Variants in GRID1 observed in about 807,000 individuals in gnomAD.
The protein encoded by GRID1 is glutamate receptor ionotropic, delta-1.
In GRID1, 28 loss-of-function variants were observed where a neutral mutation model predicts 98.0. The observed-to-expected ratio is 0.29, with a 90% CI of 0.21 to 0.39. The LOEUF (loss-of-function observed/expected upper bound fraction) is 0.39. GRID1 is among the 10% of genes least tolerant of loss of function. The probability of loss-of-function intolerance (pLI) is 1.00; values close to 1 mark genes in which losing one functional copy is unlikely to be tolerated. For missense variants in GRID1, 1,111 were observed against 1,340.5 expected (o/e 0.83, Z 2.67); for synonymous variants, 553 against 538.5 (o/e 1.03, Z -0.37).
intron 5 of GRID1, among the ~76,000 whole-genome samples, chr10:85,875,597 C>A (rs1564615556): frequency 1.3e-5 from 2 of 151,932 alleles, no homozygotes; most frequent in African/African-American, 4.8e-5. Flanking sequence ...TGTTTCCTAT[C>A]TTTACTTATT....
intron 2 of GRID1, among the ~76,000 whole-genome samples, chr10:86,314,715 G>A (rs1160735330): frequency 6.6e-6 from 1 of 152,192 alleles, no homozygotes; most frequent in Non-Finnish European, 1.5e-5. Context: ...CTCAGCTCTT[G>A]GGCCAACAGT....
intron 5 of GRID1, among the ~76,000 whole-genome samples, chr10:85,911,588 AC>A (rs2131821715): frequency 6.6e-6 from 1 of 152,296 alleles, no homozygotes; most frequent in East Asian, 1.9e-4. Context: ...ATGTGTGCAT[AC>A]CCACATCATC....
At chr10:86,143,991 C>G (rs1023074853) in intron 3 of GRID1, among the ~76,000 whole-genome samples, 2 of 152,186 alleles carry the variant, frequency 1.3e-5, no homozygotes, top group African/African-American at 2.4e-5. Flanking sequence ...CCCAAGCCTG[C>G]CGGAGTCCTG....
At chr10:85,955,293 T>C (rs1842175039) in intron 4 of GRID1, among the ~76,000 whole-genome samples, 1 of 152,124 alleles carries the variant, frequency 6.6e-6, no homozygotes, top group South Asian at 2.1e-4. Flanking sequence ...GGCGAACCTG[T>C]AGCCATGATT....
At chr10:86,176,487 C>A (rs1284782777) in intron 3 of GRID1, among the ~76,000 whole-genome samples, 1 of 152,222 alleles carries the variant, frequency 6.6e-6, no homozygotes, top group African/African-American at 2.4e-5. Flanking sequence ...CAAGGAGCAG[C>A]CTGTGCATGC....
intron 12 of GRID1, among the ~76,000 whole-genome samples, chr10:85,693,269 T>G (rs1841353785): frequency 6.6e-6 from 1 of 152,168 alleles, no homozygotes; most frequent in African/African-American, 2.4e-5. Context: ...TATTTAGAAT[T>G]ATCCCAGTTT....
chr10:86,184,415 C>T (rs1218950557), intron 3 of GRID1, among the ~76,000 whole-genome samples: 2 of 141,568 alleles, frequency 1.4e-5, no homozygotes, highest in Non-Finnish European at 3.1e-5. Flanking sequence ...AGTATTTTGA[C>T]TTATTTTTAC....
At chr10:85,731,937 A>G (rs1165138291) in intron 8 of GRID1, among the ~76,000 whole-genome samples, 1 of 55,170 alleles carries the variant, frequency 1.8e-5, no homozygotes, top group African/African-American at 1.4e-4. Flanking sequence ...GAGAGAGAGA[A>G]GGGAAGGGAA....
At chr10:86,296,909 G>A (rs1437439083) in intron 2 of GRID1, among the ~76,000 whole-genome samples, 1 of 152,072 alleles carries the variant, frequency 6.6e-6, no homozygotes, top group Admixed American at 6.5e-5. Flanking sequence ...ATTCACAGAA[G>A]CAACAAAGAG....
rs781242905 is a variant in GRID1 at position 86,264,773 on chromosome 10, G to A, written c.236-58125C>T. On this transcript the variant is annotated intron_variant, in intron 2 of 15. Transcript: ENST00000327946. ...GAGGCAGGCATGCGGGCAGACAGAC[G>A]CCCAACACAGAGACCTCCCACACGC... 45 of 492,498 alleles carry A rather than the reference G, an allele frequency of 9.1e-5. No individual in the cohort carries two copies. In the Middle Eastern group the frequency reaches 3.2e-3, roughly 35 times the overall value. 30.5% of individuals were successfully genotyped at this position (492,498 alleles called of 1,614,324 possible).
At chr10:85,743,107 C>T (rs937649496) in intron 8 of GRID1, among the ~76,000 whole-genome samples, 9 of 109,644 alleles carry the variant, frequency 8.2e-5, no homozygotes, top group African/African-American at 1.5e-4. Context: ...ATTATGCAGC[C>T]CCCCCCCCCA....
At chr10:85,732,257 A>G (rs1177533377) in intron 8 of GRID1, among the ~76,000 whole-genome samples, 2 of 152,122 alleles carry the variant, frequency 1.3e-5, no homozygotes, top group Non-Finnish European at 2.9e-5. Context: ...GGTCTTCTTG[A>G]CCATCCCAAT....
chr10:85,729,654 C>A, intron 8 of GRID1, 40 bp from the exon 9 acceptor site: 1 of 1,234,828 alleles, frequency 8.1e-7, no homozygotes, highest in Non-Finnish European at 1.2e-6. Flanking sequence ...ATGGAACTGG[C>A]ACCCGTGCAC....
chr10:85,709,076 T>C lies in GRID1; in HGVS notation c.1997+13927A>G, dbSNP rs577949541. ...TATGATTCACCAAAACAACTTGTTA[T>C]TGAAAACCCCTGTTAAGGGAATGAC... On this transcript the variant is annotated intron_variant, in intron 12 of 15. Transcript: ENST00000327946. 2.3e-4 allele frequency: 77 copies of C among 330,190 alleles called. 4 individuals carry two copies. The highest frequency in any genetic ancestry group is 1.3e-3 in the South Asian group (37 of 29,364). The allele number at this position is 330,190 out of a possible 1,614,324, so 20.5% of individuals were successfully genotyped here. A position where few individuals can be genotyped will look rare whatever the true frequency, so the allele number is the denominator to read the frequency against.
chr10:86,339,743 G>T lies in GRID1; in HGVS notation c.235+24198C>A, dbSNP rs1320597990. Reference sequence around the variant, plus strand: ...AGGTGTCAAGGTCTGGGGTCTGGCAGCCAGCTCAGAGGTATTTAGTCCTCC... The same window carrying T: ...AGGTGTCAAGGTCTGGGGTCTGGCATCCAGCTCAGAGGTATTTAGTCCTCC... On this transcript the variant is annotated intron_variant, in intron 2 of 15. Transcript: ENST00000327946. Among the ~76,000 whole-genome samples the T allele has an allele frequency of 2.6e-5, 4 of 152,338 alleles. No homozygotes were observed. The East Asian group carries it at 7.7e-4, about 29-fold the overall frequency.
At position 86,180,106 on chromosome 10, in the gene GRID1, G is replaced by T. The variant is rs547254762; in HGVS notation, c.520+26258C>A. On this transcript the variant is annotated intron_variant, in intron 3 of 15. Transcript: ENST00000327946. ...GCGGAGCAGGAGCAGGCTGGACAAA[G>T]GGAGGCCAGCCCAGTGGTGGAGTGG... Among the ~76,000 whole-genome samples the T allele has an allele frequency of 1.2e-3, 176 of 152,324 alleles. 5 individuals carry two copies. In the South Asian group the frequency reaches 0.036, roughly 31 times the overall value.
At chr10:85,837,418 A>T (rs1231474689) in intron 8 of GRID1, among the ~76,000 whole-genome samples, 1 of 152,194 alleles carries the variant, frequency 6.6e-6, no homozygotes, top group African/African-American at 2.4e-5. Flanking sequence ...ACTCTGTTGC[A>T]GCTGTCGCAC....
chr10:86,087,918 C>G (rs1011943570), intron 4 of GRID1, among the ~76,000 whole-genome samples: 29 of 152,336 alleles, frequency 1.9e-4, no homozygotes, highest in African/African-American at 5.8e-4. Flanking sequence ...CTCCCCACCC[C>G]CTCTGTCCTC....
intron 2 of GRID1, among the ~76,000 whole-genome samples, chr10:86,289,790 G>A (rs981456723): frequency 2.6e-5 from 4 of 152,188 alleles, no homozygotes; most frequent in African/African-American, 9.7e-5. Context: ...GTTCAGGGAT[G>A]GGCAGCCACC....
Sources: gnomAD v4.1 joint callset for allele counts (sites outside exome capture counted in the v4.1 genomes callset) on GRCh38, gnomAD v4.1.1 for gene constraint, MANE v1.5 for transcripts, NCBI Gene and HGNC (gene_info 2026-07-23, HGNC 2026-07-21) for gene names.